The following NALF1 variants were observed in gnomAD, a reference collection of about 807,000 sequenced individuals.
NALF1 encodes family with sequence similarity 155 member A.
Under a neutral mutation model 48.4 loss-of-function variants are expected in NALF1, and 3 were observed. The ratio of observed to expected loss-of-function variants is 0.06; its 90% confidence interval spans 0.03 to 0.16. The LOEUF (loss-of-function observed/expected upper bound fraction) is 0.16. NALF1 is among the 10% of genes least tolerant of loss of function. The pLI is 1.00. For missense variants in NALF1, 526 were observed against 571.5 expected (o/e 0.92, Z 0.81); for synonymous variants, 262 against 245.7 (o/e 1.07, Z -0.62).
chr13:107,739,679 T>A (rs1876575041), intron 1 of NALF1, among the ~76,000 whole-genome samples: 1 of 152,094 alleles, frequency 6.6e-6, no homozygotes, highest in African/African-American at 2.4e-5. Flanking sequence ...AGTGGAGGAA[T>A]CCCCAACCCC....
At chr13:107,181,174 G>GT (rs1383777258) in intron 2 of NALF1, among the ~76,000 whole-genome samples, 1 of 151,482 alleles carries the variant, frequency 6.6e-6, no homozygotes, top group Non-Finnish European at 1.5e-5. Flanking sequence ...GAACATATCA[G>GT]TACCTATTCT....
chr13:107,177,087 A>T (rs1878954902), intron 2 of NALF1, among the ~76,000 whole-genome samples: 1 of 152,088 alleles, frequency 6.6e-6, no homozygotes, highest in African/African-American at 2.4e-5. Context: ...ACAGTGAAAA[A>T]TCTGAAAAAG....
chr13:107,344,848 T>C (rs1231698623), intron 1 of NALF1, among the ~76,000 whole-genome samples: 2 of 152,076 alleles, frequency 1.3e-5, no homozygotes, highest in African/African-American at 4.8e-5. Context: ...TAGAAAAATA[T>C]ATAAATAAAA....
intron 1 of NALF1, among the ~76,000 whole-genome samples, chr13:107,661,779 A>G (rs993047744): frequency 6.6e-6 from 1 of 152,230 alleles, no homozygotes; most frequent in African/African-American, 2.4e-5. Context: ...AGAAATGTCA[A>G]GGAATAAATA....
At chr13:107,674,329 A>G (rs529642090) in intron 1 of NALF1, among the ~76,000 whole-genome samples, 1 of 152,226 alleles carries the variant, frequency 6.6e-6, no homozygotes, top group African/African-American at 2.4e-5. Flanking sequence ...GCTATCAAGC[A>G]TCTTAAACAA....
intron 2 of NALF1, among the ~76,000 whole-genome samples, chr13:107,200,206 C>A (rs1267481345): frequency 1.3e-5 from 2 of 152,170 alleles, no homozygotes; most frequent in Non-Finnish European, 2.9e-5. Context: ...TCTAAACTCC[C>A]CCTTGGGGGT....
chr13:107,854,654 C>T (rs534157081), intron 1 of NALF1, among the ~76,000 whole-genome samples: 1 of 152,132 alleles, frequency 6.6e-6, no homozygotes, highest in African/African-American at 2.4e-5. Context: ...GGGCAGATCA[C>T]GAGGTCCAGA....
At chr13:107,708,484 A>T (rs1303308345) in intron 1 of NALF1, among the ~76,000 whole-genome samples, 1 of 146,544 alleles carries the variant, frequency 6.8e-6, no homozygotes, top group Non-Finnish European at 1.5e-5. Context: ...CTGGGGTAGG[A>T]CTAGTATATA....
intron 1 of NALF1, among the ~76,000 whole-genome samples, chr13:107,242,296 G>A (rs149201045): frequency 5.1e-4 from 78 of 152,240 alleles, no homozygotes; most frequent in African/African-American, 1.6e-3. Flanking sequence ...CTCACAGTGC[G>A]GCCATAGAAG....
intron 1 of NALF1, among the ~76,000 whole-genome samples, chr13:107,612,884 A>C (rs1879273482): frequency 1.3e-5 from 2 of 152,188 alleles, no homozygotes; most frequent in Admixed American, 1.3e-4. Context: ...TTGTCTATCT[A>C]ACTATCAAAT....
At position 107,331,103 on chromosome 13, in the gene NALF1, C is replaced by T. The variant is rs144503407; in HGVS notation, c.916-120348G>A. Among the ~76,000 whole-genome samples, 1,161 of 152,196 alleles carry T rather than the reference C, an allele frequency of 7.6e-3. 15 individuals carry two copies. The highest frequency in any genetic ancestry group is 0.026 in the African/African-American group (1,095 of 41,518). ...TATTAGTAACAGTTTTAAATATTCA[C>T]TTTTTCTAAAATTGTTTATAGAACA... On this transcript the variant is annotated intron_variant, in intron 1 of 2. Coordinates refer to ENST00000375915, the MANE Select transcript of NALF1 (RefSeq NM_001080396.3).
intron 1 of NALF1, among the ~76,000 whole-genome samples, chr13:107,697,922 C>T (rs527839514): frequency 4.4e-4 from 67 of 152,204 alleles, no homozygotes; most frequent in African/African-American, 1.5e-3. Context: ...GAAAGTTCTC[C>T]TCACCTCTAA....
At chr13:107,721,438 T>A (rs1020304595) in intron 1 of NALF1, among the ~76,000 whole-genome samples, 4 of 152,178 alleles carry the variant, frequency 2.6e-5, no homozygotes, top group African/African-American at 9.7e-5. Context: ...AGATGGATTT[T>A]CAATGCTAAG....
chr13:107,659,106 G>GACACACACACACAC (rs1408509437), intron 1 of NALF1, among the ~76,000 whole-genome samples: 1 of 98,492 alleles, frequency 1.0e-5, no homozygotes, highest in East Asian at 2.9e-4. Flanking sequence ...CTGACACACT[G>GACACACACACACAC]ACACACAGAC....
At chr13:107,822,753 T>A (rs969760023) in intron 1 of NALF1, among the ~76,000 whole-genome samples, 1 of 152,194 alleles carries the variant, frequency 6.6e-6, no homozygotes, top group Non-Finnish European at 1.5e-5. Context: ...GTTAAAGGGA[T>A]AAGTTGAATT....
At chr13:107,692,077 C>T (rs1170956311) in intron 1 of NALF1, among the ~76,000 whole-genome samples, 3 of 152,092 alleles carry the variant, frequency 2.0e-5, no homozygotes, top group African/African-American at 4.8e-5. Flanking sequence ...ATACGACTCA[C>T]CACATCAACC....
chr13:107,395,110 T>A lies in NALF1; in HGVS notation c.916-184355A>T, dbSNP rs1197703619. Among the ~76,000 whole-genome samples, 5 of 152,176 alleles carry A rather than the reference T, an allele frequency of 3.3e-5. No homozygotes were observed. In the East Asian group the frequency reaches 7.7e-4, roughly 23 times the overall value. ...TGAGGTGCTACATGAGAAATGAGAA[T>A]GTTAATGTTCTCAGAGAAGTCCAGA... On this transcript the variant is annotated intron_variant, in intron 1 of 2. Transcript: ENST00000375915.
intron 1 of NALF1, among the ~76,000 whole-genome samples, chr13:107,727,175 T>C (rs1319934483): frequency 6.6e-6 from 1 of 152,046 alleles, no homozygotes; most frequent in African/African-American, 2.4e-5. Context: ...AGTGTGTCTT[T>C]TGCTAAAAGA....
chr13:107,224,603 C>T (rs943198874), intron 1 of NALF1, among the ~76,000 whole-genome samples: 1 of 152,030 alleles, frequency 6.6e-6, no homozygotes, highest in African/African-American at 2.4e-5. Context: ...CATTTACTTT[C>T]CTAGCATGTG....
Sources: allele counts gnomAD v4.1 joint callset (sites outside exome capture counted in the v4.1 genomes callset), GRCh38; gene constraint gnomAD v4.1.1; transcripts MANE v1.5; gene names NCBI Gene and HGNC (gene_info 2026-07-23, HGNC 2026-07-21).